The following SDK1 variants were observed in gnomAD, a reference collection of about 807,000 sequenced individuals.
SDK1 encodes the protein protein sidekick-1.
SDK1 carries 157 observed loss-of-function variants against 245.5 expected under a neutral mutation model. The ratio of observed to expected loss-of-function variants is 0.64; its 90% CI spans 0.56 to 0.73. The LOEUF (loss-of-function observed/expected upper bound fraction) is 0.73. Ranked by LOEUF, SDK1 falls within the 30% of genes least tolerant of loss-of-function variation. The probability of loss-of-function intolerance (pLI) is 0.00; values close to 1 mark genes in which losing one functional copy is unlikely to be tolerated. For synonymous variants in SDK1, 1,647 were observed against 1,278.5 expected, an observed-to-expected ratio of 1.29 and a Z score of -6.15; for missense variants, 3,583 against 3,002.3, an observed-to-expected ratio of 1.19 and a Z score of -4.52.
intron 5 of SDK1, among the ~76,000 whole-genome samples, chr7:3,915,588 C>T (rs1779346380): frequency 6.6e-6 from 1 of 152,202 alleles, no homozygotes; most frequent in South Asian, 2.1e-4. Flanking sequence ...GGGGCCTCCC[C>T]AGTCATGTGG....
At chr7:3,568,249 A>G (rs1464323587) in intron 1 of SDK1, among the ~76,000 whole-genome samples, 1 of 152,228 alleles carries the variant, frequency 6.6e-6, no homozygotes, top group African/African-American at 2.4e-5. Context: ...TAATAAATGC[A>G]TAACTTCATA....
chr7:3,308,058 C>T (rs1442465151), intron 1 of SDK1, among the ~76,000 whole-genome samples: 1 of 152,046 alleles, frequency 6.6e-6, no homozygotes, highest in Admixed American at 6.6e-5. Context: ...TAGGTGCTGC[C>T]GTCTAACACA....
chr7:3,558,880 A>C (rs1284243555), intron 1 of SDK1, among the ~76,000 whole-genome samples: 1 of 152,198 alleles, frequency 6.6e-6, no homozygotes, highest in Admixed American at 6.5e-5. Flanking sequence ...AGACTGCTAT[A>C]TGCATTTCAT....
At chr7:4,003,133 A>C (rs1266510352) in intron 14 of SDK1, among the ~76,000 whole-genome samples, 5 of 152,120 alleles carry the variant, frequency 3.3e-5, no homozygotes, top group African/African-American at 1.2e-4. Context: ...GACAGCCCTC[A>C]CTCTTGTGTG....
chr7:3,388,423 C>G (rs1420619743), intron 1 of SDK1, among the ~76,000 whole-genome samples: 2 of 151,662 alleles, frequency 1.3e-5, no homozygotes, highest in Non-Finnish European at 2.9e-5. Context: ...TTTGAAGAGA[C>G]TGGGTCTCAT....
At chr7:3,525,375 A>T (rs1449547123) in intron 1 of SDK1, among the ~76,000 whole-genome samples, 1 of 152,056 alleles carries the variant, frequency 6.6e-6, no homozygotes, top group Non-Finnish European at 1.5e-5. Context: ...CACCTACGGA[A>T]AATCCTCCTT....
chr7:3,538,909 G>C (rs913814898), intron 1 of SDK1, among the ~76,000 whole-genome samples: 1 of 152,220 alleles, frequency 6.6e-6, no homozygotes, highest in African/African-American at 2.4e-5. Flanking sequence ...CACACAAAGA[G>C]GCAGACGGAA....
chr7:3,480,689 G>A lies in SDK1; in HGVS notation c.299-138391G>A, dbSNP rs568424884. 1.9e-4 allele frequency among the ~76,000 whole-genome samples: 29 copies of A among 152,350 alleles called. No individual in the cohort carries two copies. The South Asian group carries it at 6.0e-3, about 32-fold the overall frequency. ...GTCTGCCATAGCGTGCATATGGATT[G>A]TAGTCCCCTGCTATTCCTGAATAAA... On this transcript the variant is annotated intron_variant, in intron 1 of 44. Coordinates refer to ENST00000404826, the MANE Select transcript of SDK1 (RefSeq NM_152744.4).
In SDK1 at chr7:3,501,783, A is replaced by G. The variant is rs536774601; in HGVS notation, c.299-117297A>G. On this transcript the variant is annotated intron_variant, in intron 1 of 44. Transcript: ENST00000404826. Reference sequence around the variant, plus strand: ...GGACTTTTTCCAGTTATGATGGACTATCAGTATGTTCTCACAAGTAATGGG... The same window carrying G: ...GGACTTTTTCCAGTTATGATGGACTGTCAGTATGTTCTCACAAGTAATGGG... Among the ~76,000 whole-genome samples the G allele has an allele frequency of 6.6e-5, 10 of 152,314 alleles. No individual in the cohort carries two copies. The East Asian group carries it at 1.7e-3, about 26-fold the overall frequency.
intron 1 of SDK1, among the ~76,000 whole-genome samples, chr7:3,525,985 G>C (rs1032186241): frequency 1.3e-5 from 2 of 152,122 alleles, no homozygotes; most frequent in African/African-American, 4.8e-5. Context: ...TGTAATCTTA[G>C]CACTTTGGGA....
At chr7:3,872,411 A>G (rs755608768) in intron 5 of SDK1, among the ~76,000 whole-genome samples, 4 of 151,946 alleles carry the variant, frequency 2.6e-5, no homozygotes, top group Non-Finnish European at 5.9e-5. Context: ...CTGGAGTTTT[A>G]TTTTATTTTG....
intron 5 of SDK1, among the ~76,000 whole-genome samples, chr7:3,878,697 C>T (rs775935694): frequency 5.3e-5 from 8 of 152,162 alleles, no homozygotes; most frequent in African/African-American, 1.7e-4. Flanking sequence ...TTAGAGGGTT[C>T]GAAGAGGAAG....
chr7:3,475,884 G>C (rs1385077628), intron 1 of SDK1, among the ~76,000 whole-genome samples: 1 of 151,896 alleles, frequency 6.6e-6, no homozygotes, highest in Admixed American at 6.5e-5. Context: ...TTGCGACATG[G>C]GATTCCTGCC....
rs141195640 is a variant in SDK1, at chr7:3,854,945, G to T, written c.847+33362G>T. Among the ~76,000 whole-genome samples, 309 of 152,278 alleles carry T rather than the reference G, an allele frequency of 2.0e-3. 1 individual carries two copies. Among genetic ancestry groups the T allele is most frequent in the Non-Finnish European group, 3.7e-3 (249 of 68,024 alleles). On this transcript the variant is annotated intron_variant, in intron 5 of 44. Transcript: ENST00000404826. ...CACTGAGAGCAGGGTGGACCCAGGT[G>T]CACATGCAGGGTGGCTCAGTGAACT... is the stretch of plus-strand genomic sequence containing the variant.
chr7:3,483,359 C>G (rs1781577043), intron 1 of SDK1, among the ~76,000 whole-genome samples: 1 of 152,142 alleles, frequency 6.6e-6, no homozygotes, highest in Admixed American at 6.5e-5. Context: ...GTTGCTCTTT[C>G]CTATTAAATG....
intron 22 of SDK1, among the ~76,000 whole-genome samples, chr7:4,098,251 G>T (rs1474456713): frequency 6.6e-6 from 1 of 152,198 alleles, no homozygotes; most frequent in Non-Finnish European, 1.5e-5. Context: ...GACAACTCAA[G>T]TGGGACCAAA....
At chr7:3,447,302 T>C (rs947549100) in intron 1 of SDK1, among the ~76,000 whole-genome samples, 1 of 152,194 alleles carries the variant, frequency 6.6e-6, no homozygotes, top group Admixed American at 6.5e-5. Flanking sequence ...GAAACTTATC[T>C]TTACCCTAGC....
At chr7:4,032,107 C>G (rs1283997578) in intron 17 of SDK1, among the ~76,000 whole-genome samples, 1 of 151,468 alleles carries the variant, frequency 6.6e-6, no homozygotes, top group South Asian at 2.1e-4. Context: ...CCAAACAGGT[C>G]CAAAGAATGC....
At chr7:3,609,216 A>G (rs1781514184) in intron 1 of SDK1, among the ~76,000 whole-genome samples, 1 of 152,188 alleles carries the variant, frequency 6.6e-6, no homozygotes. Flanking sequence ...AGTCACATAA[A>G]CAAGAATTTA....
Sources: gnomAD v4.1 joint callset for allele counts (sites outside exome capture counted in the v4.1 genomes callset) on GRCh38, gnomAD v4.1.1 for gene constraint, MANE v1.5 for transcripts, NCBI Gene and HGNC (gene_info 2026-07-23, HGNC 2026-07-21) for gene names.